Variants in SCN10A observed in about 807,000 individuals in gnomAD.
SCN10A encodes sodium channel protein type 10 subunit alpha.
Under a neutral mutation model 170.7 loss-of-function variants are expected in SCN10A, and 162 were observed. The ratio of observed to expected loss-of-function variants is 0.95; its 90% CI spans 0.84 to 1.08. SCN10A has a LOEUF of 1.08. Among genes scored for constraint, SCN10A ranks in the 50% least tolerant of loss-of-function variants. The pLI is 0.00. For synonymous variants in SCN10A, 985 were observed against 904.6 expected, an observed-to-expected ratio of 1.09 and a Z score of -1.59; for missense variants, 2,527 against 2,436.9, an observed-to-expected ratio of 1.04 and a Z score of -0.78.
Position 38,757,039 on chromosome 3 carries a change from G to A in SCN10A, c.1071C>T (p.Ser357=). 6.2e-7 allele frequency: 1 copy of A among 1,612,090 alleles called. No homozygotes were observed. The highest frequency in any genetic ancestry group is 2.2e-5 in the East Asian group (1 of 44,878). ...GTACCTGCTGGTAGAGGCGTTCCCA[G>A]GAATCCTGTGTCATGAGGCGGAACA... is the stretch of plus-strand genomic sequence containing the variant. ...LSLFRLMTQD[S]WERLYQQTLR... The change falls in exon 9 of 28, where the codon TCC becomes TCT. Residue 357 remains serine (S), a synonymous_variant. Coordinates refer to ENST00000449082, the MANE Select transcript of SCN10A (RefSeq NM_006514.4).
Position 38,804,901 on chromosome 3 carries a change from T to C in SCN10A, c.-32-10859A>G, listed in dbSNP as rs1032026315. Among the ~76,000 whole-genome samples, 6 of 152,224 alleles carry C rather than the reference T, an allele frequency of 3.9e-5. No individual in the cohort carries two copies. The East Asian group carries it at 5.8e-4, about 15-fold the overall frequency. ...AAAATGAAGGAGAAGAAAAAGGATA[T>C]GTCAGTGTCATAGAAACAGCAGAAA... is the stretch of plus-strand genomic sequence containing the variant. On this transcript the variant is annotated intron_variant, in intron 1 of 27. Coordinates refer to ENST00000449082, the MANE Select transcript of SCN10A (RefSeq NM_006514.4).
intron 26 of SCN10A, among the ~76,000 whole-genome samples, chr3:38,703,307 T>C (rs2063176271): frequency 6.6e-6 from 1 of 152,238 alleles, no homozygotes. Flanking sequence ...TGTGCATTAC[T>C]CTTTGTCTCT....
chr3:38,769,004 C>A (rs1488783600), intron 5 of SCN10A, among the ~76,000 whole-genome samples: 1 of 152,002 alleles, frequency 6.6e-6, no homozygotes, highest in African/African-American at 2.4e-5. Context: ...GCTTTGTCTT[C>A]GAGCTCTGAA....
At chr3:38,712,490 C>T (rs753137535) in intron 22 of SCN10A, 45 bp from the exon 23 acceptor site, 2 of 1,585,704 alleles carry the variant, frequency 1.3e-6, no homozygotes, top group South Asian at 1.1e-5. Flanking sequence ...AATGCCCCAC[C>T]CCCTCTGCTG....
rs190535962 is a variant in SCN10A at position 38,761,783 on chromosome 3, A to G, written c.692-400T>C. ...CTGCATGCATCTGGGAGGCAGCTTG[A>G]GACTTGGGACACATGAACCTCACTG... On this transcript the variant is annotated intron_variant, in intron 6 of 27. Transcript: ENST00000449082. 2.0e-4 allele frequency among the ~76,000 whole-genome samples: 31 copies of G among 151,656 alleles called. No homozygotes were observed. The East Asian group carries it at 5.4e-3, about 27-fold the overall frequency.
At chr3:38,700,918 C>G (rs2063149516) in intron 27 of SCN10A, among the ~76,000 whole-genome samples, 1 of 152,216 alleles carries the variant, frequency 6.6e-6, no homozygotes. Context: ...TCAGCTAACC[C>G]ATAAGCCCAG....
Position 38,710,892 on chromosome 3 carries a change from G to A in SCN10A, c.4095C>T (p.Thr1365=), listed in dbSNP as rs777516552. Residue 1365 remains threonine, a synonymous_variant, in exon 24 of 28, where the codon ACC becomes ACT. Transcript: ENST00000449082. ...ACATAATGTCCATCCAGCCTTTAAAGGTTGCCTGGAGACAAGGAGCAGAGG... is the reference window on the plus strand; with the variant it reads ...ACATAATGTCCATCCAGCCTTTAAAAGTTGCCTGGAGACAAGGAGCAGAGG... ...MGYLALLQVA[T]FKGWMDIMYA... The A allele has an allele frequency of 1.9e-6, 3 of 1,613,672 alleles. No homozygotes were observed. Among genetic ancestry groups the A allele is most frequent in the South Asian group, 1.1e-5 (1 of 90,954 alleles).
chr3:38,725,103 C>G, intron 18 of SCN10A, 71 bp downstream of exon 18: 1 of 1,430,758 alleles, frequency 7.0e-7, no homozygotes, highest in South Asian at 1.6e-5. Flanking sequence ...CCGCCACCCT[C>G]CAGCCTCTAC....
chr3:38,756,831 A>C lies in SCN10A; in HGVS notation c.1133T>G (p.Val378Gly), dbSNP rs1364202423. The change falls in exon 10 of 28, where the codon GTG (valine) becomes GGG (glycine). Residue 378 changes from valine (V) to glycine (G), a missense_variant. Transcript: ENST00000449082. Reference sequence around the variant, plus strand: ...GAAAGATCCCAGGAAGATTACGAGCACAAAAAAGATCATATAGATTTTCCC... The same window carrying C: ...GAAAGATCCCAGGAAGATTACGAGCCCAAAAAAGATCATATAGATTTTCCC... ...TSGKIYMIFF[V>G]LVIFLGSFYL... is the part of the protein sequence containing the mutation. The C allele has an allele frequency of 6.2e-7, 1 of 1,614,126 alleles. No individual in the cohort carries two copies. The highest frequency in any genetic ancestry group is 2.2e-5 in the East Asian group (1 of 44,896).
chr3:38,735,439 G>A (rs1025567354), intron 15 of SCN10A, among the ~76,000 whole-genome samples: 3 of 152,174 alleles, frequency 2.0e-5, no homozygotes, highest in African/African-American at 7.2e-5. Context: ...CTGGTATACA[G>A]CGTATACTAT....
At chr3:38,713,831 T>A in intron 22 of SCN10A, 127 bp downstream of exon 22, 1 of 1,091,322 alleles carries the variant, frequency 9.2e-7, no homozygotes, top group African/African-American at 1.6e-5. Context: ...TTTCGGCATG[T>A]TGGCCAGGGT....
chr3:38,697,227 A>T lies in SCN10A; in HGVS notation c.*122T>A. ...CAGTTGCATTCCCTGCCCAGTTCTG[A>T]CATTGTGACCAGTGGCATGCATTGG... On this transcript the variant is annotated 3_prime_UTR_variant, in exon 28 of 28. Coordinates refer to ENST00000449082, the MANE Select transcript of SCN10A (RefSeq NM_006514.4). 1 of 1,477,842 alleles carries T rather than the reference A, an allele frequency of 6.8e-7. No homozygotes were observed. Among genetic ancestry groups the T allele is most frequent in the Non-Finnish European group, 9.0e-7 (1 of 1,106,928 alleles). 91.5% of individuals were successfully genotyped at this position (1,477,842 alleles called of 1,614,324 possible).
Position 38,725,334 on chromosome 3 carries a change from A to T in SCN10A, c.3088-20T>A, listed in dbSNP as rs11129804. 1.3e-6 allele frequency: 2 copies of T among 1,553,914 alleles called. No individual in the cohort carries two copies. Among genetic ancestry groups the T allele is most frequent in the Non-Finnish European group, 8.8e-7 (1 of 1,136,936 alleles). On this transcript the variant is annotated intron_variant, in intron 17 of 27. Transcript: ENST00000449082. Reference sequence around the variant, plus strand: ...CTCCTGCTAGTGAGAGAGGGTCCCAACTGGGTGCCTGGCCCCACCCTTAGA... The same window carrying T: ...CTCCTGCTAGTGAGAGAGGGTCCCATCTGGGTGCCTGGCCCCACCCTTAGA...
intron 4 of SCN10A, among the ~76,000 whole-genome samples, chr3:38,782,825 A>G (rs973237337): frequency 1.3e-5 from 2 of 152,136 alleles, no homozygotes; most frequent in African/African-American, 4.8e-5. Context: ...ATGCATAATA[A>G]AAATGTACAT....
Position 38,701,819 on chromosome 3 carries a change from C to A in SCN10A, c.4657+20G>T. On this transcript the variant is annotated intron_variant, in intron 27 of 27. Transcript: ENST00000449082. ...CCCAAACAGAGGTGGGGCTTCCCCA[C>A]CACGTGGCTGCCCACTTACTCGCAA... 1 of 1,582,344 alleles carries A rather than the reference C, an allele frequency of 6.3e-7. No individual in the cohort carries two copies. The highest frequency in any genetic ancestry group is 1.2e-5 in the South Asian group (1 of 85,152).
At position 38,710,883 on chromosome 3, in the gene SCN10A, G is replaced by T. The variant is rs1303261987; in HGVS notation, c.4104C>A (p.Gly1368=). Residue 1368 remains glycine, a synonymous_variant, in exon 24 of 28, where the codon GGC becomes GGA. Transcript: ENST00000449082. The stretch of plus-strand genomic sequence containing the variant: ...CAGCTGCATACATAATGTCCATCCA[G>T]CCTTTAAAGGTTGCCTGGAGACAAG... ...LALLQVATFK[G]WMDIMYAAVD... 1 of 1,613,794 alleles carries T rather than the reference G, an allele frequency of 6.2e-7. No individual in the cohort carries two copies. The highest frequency in any genetic ancestry group is 8.5e-7 in the Non-Finnish European group (1 of 1,179,852).
chr3:38,719,421 T>C lies in SCN10A; in HGVS notation c.3508-595A>G, dbSNP rs2063366301. ...TTTTTTTTTTTTTTTTGAGACGGAG[T>C]CTCGCTCTGTCGCCCAGGCTGGAGT... On this transcript the variant is annotated intron_variant, in intron 20 of 27. Transcript: ENST00000449082. 2.6e-5 allele frequency among the ~76,000 whole-genome samples: 3 copies of C among 114,854 alleles called. No individual in the cohort carries two copies. In the South Asian group the frequency reaches 1.0e-3, roughly 39 times the overall value. The allele number at this position is 114,854 out of a possible 152,430, so 75.3% of individuals were successfully genotyped here. A position where few individuals can be genotyped will look rare whatever the true frequency, so the allele number is the denominator to read the frequency against.
chr3:38,756,457 C>T (rs193028715), intron 10 of SCN10A, among the ~76,000 whole-genome samples: 1 of 152,312 alleles, frequency 6.6e-6, no homozygotes, highest in East Asian at 1.9e-4. Context: ...TTGCTTCATT[C>T]GCTTTCTCCT....
chr3:38,810,989 G>A (rs916336047), intron 1 of SCN10A, among the ~76,000 whole-genome samples: 5 of 152,006 alleles, frequency 3.3e-5, no homozygotes, highest in Non-Finnish European at 7.4e-5. Flanking sequence ...TTTTCCATTG[G>A]TTAAGAAACT....
Sources: gnomAD v4.1 joint callset for allele counts (sites outside exome capture counted in the v4.1 genomes callset) on GRCh38, gnomAD v4.1.1 for gene constraint, MANE v1.5 for transcripts, NCBI Gene and HGNC (gene_info 2026-07-23, HGNC 2026-07-21) for gene names.